BMF: variants seen among roughly 807,000 people sequenced by gnomAD.
BMF encodes Bcl2 modifying factor, also known as bcl-2-modifying factor.
In BMF, 10 loss-of-function variants were observed where a neutral mutation model predicts 22.0. That is an observed-to-expected ratio of 0.45 (90% CI 0.28 to 0.77). BMF has a LOEUF of 0.77. Among genes scored for constraint, BMF ranks in the 30% least tolerant of loss-of-function variants. BMF has a pLI of 0.13. For missense variants in BMF, 206 were observed against 226.8 expected (o/e 0.91, Z 0.59); for synonymous variants, 87 against 88.1 (o/e 0.99, Z 0.07).
In BMF at chr15:40,106,994, C is replaced by T. The variant is rs530123091; in HGVS notation, c.-5-903G>A. Among the ~76,000 whole-genome samples, 1 of 152,346 alleles carries T rather than the reference C, an allele frequency of 6.6e-6. No homozygotes were observed. The highest frequency in any genetic ancestry group is 6.5e-5 in the Admixed American group (1 of 15,304). ...TCTTACAGAAGGAAGTGAAATTCAG[C>T]CCTCTCCCTGTGACCTCACTCACTG... On this transcript the variant is annotated intron_variant, in intron 2 of 4. Transcript: ENST00000354670. The surrounding 1 kb of genome is among the most constrained non-coding windows in gnomAD (Gnocchi z 4.1).
chr15:40,092,637 C>CA (rs1446900925), intron 4 of BMF, among the ~76,000 whole-genome samples: 1 of 152,152 alleles, frequency 6.6e-6, no homozygotes, highest in Admixed American at 6.5e-5. Flanking sequence ...GAAAACAAAA[C>CA]AAAAACAAAG....
At chr15:40,105,220 G>A (rs62018159) in intron 3 of BMF, among the ~76,000 whole-genome samples, 21,855 of 152,214 alleles carry the variant, frequency 0.14, 1,912 homozygotes, top group Non-Finnish European at 0.2. Flanking sequence ...TTTTGCCAGA[G>A]GAGGGCATAT....
rs1349980524 is a variant in BMF at position 40,106,737 on chromosome 15, A to C, written c.-5-646T>G. ...GCACAACACAACAAACAGGCTCTGCAGTGTGGTAAGAATGTGTCCTGGGAG... is the reference window on the plus strand; with the variant it reads ...GCACAACACAACAAACAGGCTCTGCCGTGTGGTAAGAATGTGTCCTGGGAG... On this transcript the variant is annotated intron_variant, in intron 2 of 4. Coordinates refer to ENST00000354670, the MANE Select transcript of BMF (RefSeq NM_001003940.2). The surrounding 1 kb of genome is among the most constrained non-coding windows in gnomAD (Gnocchi z 4.1). 2.0e-5 allele frequency: 3 copies of C among 152,386 alleles called. No individual in the cohort carries two copies. The highest frequency in any genetic ancestry group is 4.4e-5 in the Non-Finnish European group (3 of 68,178). The allele number at this position is 152,386 out of a possible 1,614,324, so 9.4% of individuals were successfully genotyped here.
chr15:40,087,915 A>ATT lies in BMF; in HGVS notation c.*3870_*3871dup, dbSNP rs2036164139. 1.3e-5 allele frequency: 2 copies of ATT among 152,270 alleles called. No individual in the cohort carries two copies. The highest frequency in any genetic ancestry group is 1.3e-4 in the Admixed American group (2 of 15,290). 9.4% of individuals were successfully genotyped at this position (152,270 alleles called of 1,614,324 possible). A position where few individuals can be genotyped will look rare whatever the true frequency, so the allele number is the denominator to read the frequency against. On this transcript the variant is annotated 3_prime_UTR_variant, in exon 5 of 5. Coordinates refer to ENST00000354670, the MANE Select transcript of BMF (RefSeq NM_001003940.2). The stretch of plus-strand genomic sequence containing the variant: ...TTTGCTTTAAATGATTTTATTAAAA[A>ATT]TTGTACCAATTGATGGGGGGAAAGA...
chr15:40,106,070 C>T lies in BMF; in HGVS notation c.17G>A (p.Cys6Tyr). 6.2e-7 allele frequency: 1 copy of T among 1,605,938 alleles called. No individual in the cohort carries two copies. The highest frequency in any genetic ancestry group is 8.5e-7 in the Non-Finnish European group (1 of 1,175,828). The change falls in exon 3 of 5, where the codon TGT (cysteine) becomes TAT (tyrosine). Residue 6 changes from cysteine (C) to tyrosine (Y), a missense_variant. Physicochemically the swap from Cys to Tyr is radical, Grantham distance 194. Coordinates refer to ENST00000354670, the MANE Select transcript of BMF (RefSeq NM_001003940.2). This position sits in a 1 kb window ranked among gnomAD's most constrained non-coding sequence, Gnocchi z 4.1. Reference protein sequence around the residue: MEPSQCVEELEDDVFQ... With the variant: MEPSQYVEELEDDVFQ... ...CACATCATCCTCCAGCTCCTCCACA[C>T]ACTGAGATGGCTCCATCTCTCCTGT... is the stretch of plus-strand genomic sequence containing the variant.
At chr15:40,095,789 T>C (rs989028566) in intron 4 of BMF, among the ~76,000 whole-genome samples, 3 of 151,918 alleles carry the variant, frequency 2.0e-5, no homozygotes, top group African/African-American at 7.3e-5. Context: ...GATCACGGTG[T>C]TCTCTTCAAT....
chr15:40,094,141 C>A (rs922673031), intron 4 of BMF, among the ~76,000 whole-genome samples: 3 of 152,172 alleles, frequency 2.0e-5, no homozygotes, highest in African/African-American at 4.8e-5. Flanking sequence ...GATGAGAATT[C>A]TATGATTTGG....
intron 4 of BMF, among the ~76,000 whole-genome samples, chr15:40,094,902 C>T (rs2036323595): frequency 6.6e-6 from 1 of 152,228 alleles, no homozygotes; most frequent in Non-Finnish European, 1.5e-5. Context: ...CAGTCCCTTT[C>T]GATCTCTTTC....
At chr15:40,092,696 G>A (rs1340986079) in intron 4 of BMF, among the ~76,000 whole-genome samples, 1 of 152,186 alleles carries the variant, frequency 6.6e-6, no homozygotes, top group Admixed American at 6.5e-5. Flanking sequence ...TGTCAGGCTG[G>A]GAAGCTAGGG....
Position 40,090,612 on chromosome 15 carries a change from G to A in BMF, c.*1175C>T, listed in dbSNP as rs1217073790. 2.0e-5 allele frequency: 3 copies of A among 152,664 alleles called. No homozygotes were observed. The East Asian group carries it at 5.8e-4, about 29-fold the overall frequency. The allele number at this position is 152,664 out of a possible 1,614,324, so 9.5% of individuals were successfully genotyped here. On this transcript the variant is annotated 3_prime_UTR_variant, in exon 5 of 5. Transcript: ENST00000354670. ...GCCCTTCTGGCCTAGCTGGAAGCTGGAGGAAGATAGGAAATGTGTACCCAG... is the reference window on the plus strand; with the variant it reads ...GCCCTTCTGGCCTAGCTGGAAGCTGAAGGAAGATAGGAAATGTGTACCCAG...
rs554016476 is a variant in BMF, at chr15:40,089,455, A to C, written c.*2332T>G. Reference sequence around the variant, plus strand: ...CCTGGCTCACTTAAGACAGTGAGTGAGTTCCTGGCTTTGCATAAGATGGAG... The same window carrying C: ...CCTGGCTCACTTAAGACAGTGAGTGCGTTCCTGGCTTTGCATAAGATGGAG... On this transcript the variant is annotated 3_prime_UTR_variant, in exon 5 of 5. Coordinates refer to ENST00000354670, the MANE Select transcript of BMF (RefSeq NM_001003940.2). 2 of 152,352 alleles carry C rather than the reference A, an allele frequency of 1.3e-5. No homozygotes were observed. Among genetic ancestry groups the C allele is most frequent in the East Asian group, 3.9e-4 (2 of 5,182 alleles). The allele number at this position is 152,352 out of a possible 1,614,324, so 9.4% of individuals were successfully genotyped here.
Position 40,104,189 on chromosome 15 carries a change from A to G in BMF, c.444T>C (p.His148=), listed in dbSNP as rs759729759. 4 of 1,614,182 alleles carry G rather than the reference A, an allele frequency of 2.5e-6. No individual in the cohort carries two copies. Among genetic ancestry groups the G allele is most frequent in the Non-Finnish European group, 3.4e-6 (4 of 1,180,014 alleles). Reference sequence around the variant, plus strand: ...AAACCCCCGTGCCTACTTGCTGCACATGAAGCCGGTGGAACTGGTCTGCAA... The same window carrying G: ...AAACCCCCGTGCCTACTTGCTGCACGTGAAGCCGGTGGAACTGGTCTGCAA... ...QCIADQFHRL[H]VQQHQQNQNR... The change falls in exon 4 of 5, where the codon CAT becomes CAC. Residue 148 remains histidine (H), a synonymous_variant. Coordinates refer to ENST00000354670, the MANE Select transcript of BMF (RefSeq NM_001003940.2).
rs77739024 is a variant in BMF at position 40,089,403 on chromosome 15, G to C, written c.*2384C>G. 3.3e-3 allele frequency: 501 copies of C among 152,410 alleles called. 7 individuals are homozygous for C. The highest frequency in any genetic ancestry group is 0.026 in the East Asian group (137 of 5,186). 9.4% of individuals were successfully genotyped at this position (152,410 alleles called of 1,614,324 possible). On this transcript the variant is annotated 3_prime_UTR_variant, in exon 5 of 5. Transcript: ENST00000354670. The stretch of plus-strand genomic sequence containing the variant: ...TTTTGTTGGTGGGGAAGAAGGGAGA[G>C]GGAAACGTGAGGGGTGTAAATTTTG...
chr15:40,092,211 A>G (rs1360965052), intron 4 of BMF, among the ~76,000 whole-genome samples: 5 of 152,154 alleles, frequency 3.3e-5, no homozygotes. Context: ...TTTTAATCAG[A>G]TTGGCTCCCG....
At position 40,106,560 on chromosome 15, in the gene BMF, T is replaced by TCACACACA. The variant is rs2036594170; in HGVS notation, c.-5-470_-5-469insTGTGTGTG. Reference sequence around the variant, plus strand: ...CACACACACACACACACATACAGAGTCATTGTCCCAAGGAAATTCTTATCT... The same window carrying TCACACACA: ...CACACACACACACACACATACAGAGTCACACACACATTGTCCCAAGGAAATTCTTATCT... On this transcript the variant is annotated intron_variant, in intron 2 of 4. Transcript: ENST00000354670. This position sits in a 1 kb window ranked among gnomAD's most constrained non-coding sequence, Gnocchi z 4.1. The TCACACACA allele has an allele frequency of 1.8e-5, 1 of 56,686 alleles. No individual in the cohort carries two copies. Among genetic ancestry groups the TCACACACA allele is most frequent in the African/African-American group, 5.3e-5 (1 of 18,928 alleles). The allele number at this position is 56,686 out of a possible 1,614,324, so 3.5% of individuals were successfully genotyped here.
At position 40,091,734 on chromosome 15, in the gene BMF, T is replaced by C; in HGVS notation, c.*53A>G. Reference sequence around the variant, plus strand: ...ACAGTGTCAGTCCTGCCCGATGTCCTTCCTGTTCCAGACGGTGTTCCTGGT... The same window carrying C: ...ACAGTGTCAGTCCTGCCCGATGTCCCTCCTGTTCCAGACGGTGTTCCTGGT... On this transcript the variant is annotated 3_prime_UTR_variant, in exon 5 of 5. Transcript: ENST00000354670. 2.3e-6 allele frequency: 3 copies of C among 1,329,298 alleles called. No individual in the cohort carries two copies. The highest frequency in any genetic ancestry group is 1.1e-6 in the Non-Finnish European group (1 of 944,396). 82.3% of individuals were successfully genotyped at this position (1,329,298 alleles called of 1,614,324 possible).
intron 4 of BMF, among the ~76,000 whole-genome samples, chr15:40,100,265 A>G (rs1451904398): frequency 6.6e-6 from 1 of 152,196 alleles, no homozygotes; most frequent in Non-Finnish European, 1.5e-5. Flanking sequence ...AAGGACAGGA[A>G]AGCTGGGGCT....
Position 40,091,539 on chromosome 15 carries a change from TC to T in BMF, c.*247del. ...TCAGAGCCCTTGGGAATTCTCACCA[TC>T]ACAGACACATCAGCCTCTCCTTCAA... On this transcript the variant is annotated 3_prime_UTR_variant, in exon 5 of 5. Coordinates refer to ENST00000354670, the MANE Select transcript of BMF (RefSeq NM_001003940.2). 1 of 440,068 alleles carries T rather than the reference TC, an allele frequency of 2.3e-6. No homozygotes were observed. Among genetic ancestry groups the T allele is most frequent in the Non-Finnish European group, 4.1e-6 (1 of 246,326 alleles). 27.3% of individuals were successfully genotyped at this position (440,068 alleles called of 1,614,324 possible).
chr15:40,094,414 T>C (rs1204291780), intron 4 of BMF, among the ~76,000 whole-genome samples: 1 of 152,144 alleles, frequency 6.6e-6, no homozygotes. Context: ...CTAGTTTCCA[T>C]GCCTCTGCGT....
Sources: allele counts gnomAD v4.1 joint callset (sites outside exome capture counted in the v4.1 genomes callset), GRCh38; gene constraint gnomAD v4.1.1; non-coding constraint Gnocchi (gnomAD v3.1); transcripts MANE v1.5; gene names NCBI Gene and HGNC (gene_info 2026-07-23, HGNC 2026-07-21).